The following RBM6 variants were observed in gnomAD, a reference collection of about 807,000 sequenced individuals.
The protein encoded by RBM6 is RNA-binding protein 6.
Under a neutral mutation model 140.4 loss-of-function variants are expected in RBM6, and 23 were observed. The ratio of observed to expected loss-of-function variants is 0.16; its 90% CI spans 0.12 to 0.23. RBM6 has a LOEUF of 0.23. Among genes scored for constraint, RBM6 ranks in the 10% least tolerant of loss-of-function variants. The pLI is 1.00. For synonymous variants in RBM6, 439 were observed against 475.6 expected, an observed-to-expected ratio of 0.92 and a Z score of 1.00; for missense variants, 1,139 against 1,386.7, an observed-to-expected ratio of 0.82 and a Z score of 2.84.
chr3:50,057,617 C>T, intron 8 of RBM6, 111 bp from the exon 9 acceptor site: 1 of 663,718 alleles, frequency 1.5e-6, no homozygotes, highest in Non-Finnish European at 2.3e-6. Context: ...AAAGGCATTC[C>T]AGTATGAGTA....
chr3:49,986,615 C>CA (rs975838938), intron 5 of RBM6, among the ~76,000 whole-genome samples: 23 of 147,676 alleles, frequency 1.6e-4, no homozygotes, highest in South Asian at 6.6e-4. Flanking sequence ...AAAAACAAAA[C>CA]AAAAAAAAAC....
intron 7 of RBM6, among the ~76,000 whole-genome samples, chr3:50,052,422 A>G (rs888506977): frequency 2.0e-5 from 3 of 152,138 alleles, no homozygotes; most frequent in African/African-American, 7.2e-5. Context: ...GCCACTCACT[A>G]ACTGAAGTGT....
At chr3:50,018,654 C>T (rs371355047) in intron 6 of RBM6, among the ~76,000 whole-genome samples, 5 of 121,746 alleles carry the variant, frequency 4.1e-5, no homozygotes, top group Admixed American at 3.5e-4. Context: ...TGCAGTGGTG[C>T]GATCTCGGTT....
chr3:49,955,785 G>T (rs973116536), intron 1 of RBM6, among the ~76,000 whole-genome samples: 2 of 151,656 alleles, frequency 1.3e-5, no homozygotes, highest in African/African-American at 4.8e-5. Flanking sequence ...GGTGGTTGCA[G>T]TGAGCCATTG....
intron 5 of RBM6, among the ~76,000 whole-genome samples, chr3:49,986,942 T>C (rs2085591558): frequency 6.6e-6 from 1 of 152,012 alleles, no homozygotes; most frequent in Admixed American, 6.6e-5. Flanking sequence ...TGCACCACCA[T>C]GCCTAATTAT....
Position 49,968,592 on chromosome 3 carries a change from CGGTCTGGACTT to C in RBM6, c.1168_1178del (p.Gly390SerfsTer15). 6.2e-7 allele frequency: 1 copy of C among 1,614,054 alleles called. No individual in the cohort carries two copies. On this transcript the variant is annotated frameshift_variant, in exon 3 of 21. Transcript: ENST00000266022. LOFTEE classifies it high-confidence loss of function. Reference sequence around the variant, plus strand: ...ATGCTGGTCTGTTTAAAGAAGAAGGCGGTCTGGACTTTCTTGGGCGGCAAGACACCGATTAC... The same window carrying C: ...ATGCTGGTCTGTTTAAAGAAGAAGGCTCTTGGGCGGCAAGACACCGATTAC...
At chr3:50,061,843 T>C in intron 14 of RBM6, 119 bp from the exon 15 acceptor site, 1 of 1,365,556 alleles carries the variant, frequency 7.3e-7, no homozygotes, top group East Asian at 2.5e-5. Context: ...TGGACTCTTC[T>C]TAGACTTGTA....
intron 1 of RBM6, among the ~76,000 whole-genome samples, chr3:49,943,752 T>C (rs1431666483): frequency 6.6e-6 from 1 of 152,180 alleles, no homozygotes; most frequent in Non-Finnish European, 1.5e-5. Context: ...CTGCACCCAG[T>C]TGATACTTGG....
At chr3:49,956,111 A>G (rs2083975456) in intron 1 of RBM6, among the ~76,000 whole-genome samples, 1 of 151,536 alleles carries the variant, frequency 6.6e-6, no homozygotes, top group Non-Finnish European at 1.5e-5. Flanking sequence ...GCTCACTGCA[A>G]CTTTGGGCTC....
At position 50,061,983 on chromosome 3, in the gene RBM6, G is replaced by T. The variant is rs192086094; in HGVS notation, c.2461G>T (p.Asp821Tyr). ...GCAGCAAGAAGTCTATGTGCCCCAGGATCCTGGATTACCTGAGGAAGAAGA... is the reference window on the plus strand; with the variant it reads ...GCAGCAAGAAGTCTATGTGCCCCAGTATCCTGGATTACCTGAGGAAGAAGA... ...NTQQEVYVPQDPGLPEEEEIK... is the reference protein window; with the variant it reads ...NTQQEVYVPQYPGLPEEEEIK... The change falls in exon 15 of 21, where the codon GAT becomes TAT. Residue 821 changes from aspartate (D) to tyrosine (Y), a missense_variant. Asp to Tyr is a radical substitution (Grantham distance 160). Coordinates refer to ENST00000266022, the MANE Select transcript of RBM6 (RefSeq NM_005777.3). 1 of 1,613,674 alleles carries T rather than the reference G, an allele frequency of 6.2e-7. No homozygotes were observed. The highest frequency in any genetic ancestry group is 1.3e-5 in the African/African-American group (1 of 74,866).
intron 6 of RBM6, among the ~76,000 whole-genome samples, chr3:50,034,686 G>A (rs370265538): frequency 1.8e-4 from 28 of 151,954 alleles, no homozygotes; most frequent in Middle Eastern, 3.4e-3. Context: ...GCTTGAACCC[G>A]GGAGGCGGAA....
intron 6 of RBM6, among the ~76,000 whole-genome samples, chr3:50,043,021 T>C (rs79479418): frequency 6.6e-6 from 1 of 152,204 alleles, no homozygotes; most frequent in African/African-American, 2.4e-5. Flanking sequence ...TCTAGCTTTT[T>C]GCAGCTTCAT....
At chr3:50,075,356 G>T in intron 20 of RBM6, 26 bp downstream of exon 20, 1 of 1,602,562 alleles carries the variant, frequency 6.2e-7, no homozygotes, top group African/African-American at 1.3e-5. Context: ...TCTTTTGGGG[G>T]GTGACATGAA....
chr3:50,007,311 C>T (rs886809792), intron 6 of RBM6, among the ~76,000 whole-genome samples: 2 of 151,602 alleles, frequency 1.3e-5, no homozygotes, highest in African/African-American at 2.4e-5. Context: ...ACTCTCATGC[C>T]TCAGCCTCCC....
intron 6 of RBM6, among the ~76,000 whole-genome samples, chr3:50,036,213 G>C (rs183876194): frequency 6.6e-6 from 1 of 152,148 alleles, no homozygotes; most frequent in Non-Finnish European, 1.5e-5. Context: ...CTTTTTAAAC[G>C]TATTTTCTTT....
Position 49,950,660 on chromosome 3 carries a change from C to T in RBM6, c.-67+10435C>T, listed in dbSNP as rs148459332. 3.8e-4 allele frequency among the ~76,000 whole-genome samples: 58 copies of T among 151,528 alleles called. No individual in the cohort carries two copies. In the East Asian group the frequency reaches 7.0e-3, roughly 18 times the overall value. On this transcript the variant is annotated intron_variant, in intron 1 of 20. Coordinates refer to ENST00000266022, the MANE Select transcript of RBM6 (RefSeq NM_005777.3). Reference sequence around the variant, plus strand: ...ATCCCAGCTACTCGGGAGACTGAGGCAGGAGAATCGCTTGAATCCGGGAGA... The same window carrying T: ...ATCCCAGCTACTCGGGAGACTGAGGTAGGAGAATCGCTTGAATCCGGGAGA...
chr3:50,038,532 T>C (rs1024331318), intron 6 of RBM6, among the ~76,000 whole-genome samples: 23 of 152,150 alleles, frequency 1.5e-4, no homozygotes, highest in African/African-American at 5.1e-4. Flanking sequence ...AAAAGTGTTA[T>C]AGAAATGATG....
intron 4 of RBM6, among the ~76,000 whole-genome samples, chr3:49,972,972 A>G (rs534991144): frequency 1.9e-4 from 29 of 151,970 alleles, no homozygotes; most frequent in Non-Finnish European, 4.0e-4. Flanking sequence ...CTGGGACTAC[A>G]GGCACACACC....
intron 1 of RBM6, among the ~76,000 whole-genome samples, chr3:49,951,544 T>G (rs2083729233): frequency 6.6e-6 from 1 of 151,422 alleles, no homozygotes; most frequent in Non-Finnish European, 1.5e-5. Context: ...CTTTACTATA[T>G]TTTATTTTAT....
Sources: gnomAD v4.1 joint callset for allele counts (sites outside exome capture counted in the v4.1 genomes callset) on GRCh38, gnomAD v4.1.1 for gene constraint, MANE v1.5 for transcripts, NCBI Gene and HGNC (gene_info 2026-07-23, HGNC 2026-07-21) for gene names.